The following HERC4 variants were observed in gnomAD, a reference collection of about 807,000 sequenced individuals.
HERC4 encodes the protein HECT and RLD domain containing E3 ubiquitin protein ligase 4.
A neutral mutation model predicts 124.3 loss-of-function variants in HERC4; 28 were observed. The ratio of observed to expected loss-of-function variants is 0.23; its 90% CI spans 0.17 to 0.31. The LOEUF (loss-of-function observed/expected upper bound fraction) is 0.31, where lower values mean the gene tolerates loss of function less well. Ranked by LOEUF, HERC4 falls within the 10% of genes least tolerant of loss-of-function variation. The probability of loss-of-function intolerance (pLI) is 1.00; values close to 1 mark genes in which losing one functional copy is unlikely to be tolerated. For synonymous variants in HERC4, 407 were observed against 421.5 expected (o/e 0.97, Z 0.42); for missense variants, 713 against 1,229.3 (o/e 0.58, Z 6.28).
intron 15 of HERC4, among the ~76,000 whole-genome samples, chr10:67,971,870 T>C (rs776768191): frequency 1.3e-5 from 2 of 152,078 alleles, no homozygotes; most frequent in Non-Finnish European, 2.9e-5. Flanking sequence ...TTACCAGAAC[T>C]AAGAATTTAT....
intron 19 of HERC4, among the ~76,000 whole-genome samples, chr10:67,947,969 A>C (rs544657913): frequency 6.6e-6 from 1 of 151,176 alleles, no homozygotes; most frequent in Non-Finnish European, 1.5e-5. Flanking sequence ...GATTACAGGC[A>C]TGAGCCACCA....
intron 16 of HERC4, among the ~76,000 whole-genome samples, chr10:67,959,440 T>A (rs2034359757): frequency 6.6e-6 from 1 of 152,018 alleles, no homozygotes; most frequent in Admixed American, 6.6e-5. Context: ...ATAAGAAAAC[T>A]AATCCTATGC....
intron 9 of HERC4, among the ~76,000 whole-genome samples, chr10:67,998,999 G>A (rs555392986): frequency 2.6e-5 from 4 of 152,166 alleles, no homozygotes; most frequent in Non-Finnish European, 4.4e-5. Context: ...CCAAAATGCT[G>A]GGATTACAGG....
At chr10:68,032,734 G>C in intron 7 of HERC4, 44 bp downstream of exon 7, 1 of 952,732 alleles carries the variant, frequency 1.0e-6, no homozygotes, top group South Asian at 1.4e-5. Context: ...AATTATGAAA[G>C]AACTATGATG....
chr10:67,988,977 T>C lies in HERC4; in HGVS notation c.1634-142A>G, dbSNP rs537655929. On this transcript the variant is annotated intron_variant, in intron 14 of 24. Coordinates refer to ENST00000373700, the MANE Select transcript of HERC4 (RefSeq NM_015601.4). ...AAGATGCATATAACACAATATCTTA[T>C]GTAACATTTGTAAGGTTTATAAACC... 130 of 626,528 alleles carry C rather than the reference T, an allele frequency of 2.1e-4. No homozygotes were observed. In the African/African-American group the frequency reaches 2.2e-3, roughly 10 times the overall value. The allele number at this position is 626,528 out of a possible 1,614,324, so 38.8% of individuals were successfully genotyped here.
intron 6 of HERC4, among the ~76,000 whole-genome samples, chr10:68,033,382 T>C: frequency 6.6e-6 from 1 of 152,240 alleles, no homozygotes; most frequent in East Asian, 1.9e-4. Context: ...AACTCACTTT[T>C]GTCCATTTCA....
chr10:68,005,594 G>A (rs945739549), intron 9 of HERC4, among the ~76,000 whole-genome samples: 3 of 150,642 alleles, frequency 2.0e-5, no homozygotes, highest in Non-Finnish European at 3.0e-5. Context: ...CTTGTTTTAT[G>A]GTCTTCTCTT....
intron 3 of HERC4, among the ~76,000 whole-genome samples, chr10:68,055,651 T>C (rs1454032880): frequency 6.6e-6 from 1 of 152,200 alleles, no homozygotes; most frequent in Non-Finnish European, 1.5e-5. Context: ...TCTGTATTTA[T>C]TGAACCACTG....
At chr10:68,016,134 T>C (rs2038250775) in intron 8 of HERC4, among the ~76,000 whole-genome samples, 1 of 152,050 alleles carries the variant, frequency 6.6e-6, no homozygotes, top group East Asian at 1.9e-4. Context: ...TGTGTGATTA[T>C]AGTATAAAGT....
rs1420776584 is a variant in HERC4, at chr10:68,051,751, G to A, written c.227-7188C>T. On this transcript the variant is annotated intron_variant, in intron 3 of 24. Transcript: ENST00000373700. ...GTTGCCCAGGCTGGAGTGCAGTGGC[G>A]TGATCTCGGCTCACTGCAACCCCGC... is the stretch of plus-strand genomic sequence containing the variant. 3.4e-5 allele frequency among the ~76,000 whole-genome samples: 5 copies of A among 147,462 alleles called. 1 individual carries two copies. Among genetic ancestry groups the A allele is most frequent in the Non-Finnish European group, 6.0e-5 (4 of 67,134 alleles).
At chr10:67,986,825 C>T (rs2036288806) in intron 15 of HERC4, among the ~76,000 whole-genome samples, 1 of 151,974 alleles carries the variant, frequency 6.6e-6, no homozygotes, top group Non-Finnish European at 1.5e-5. Flanking sequence ...TTTTTGATTC[C>T]TAGTCCAGCG....
intron 19 of HERC4, among the ~76,000 whole-genome samples, chr10:67,944,171 C>G (rs149245606): frequency 2.6e-3 from 396 of 152,330 alleles, no homozygotes; most frequent in African/African-American, 9.0e-3. Flanking sequence ...GGCTTCAGGT[C>G]TGACCCAGTG....
At chr10:67,961,994 A>C (rs1012617708) in intron 16 of HERC4, among the ~76,000 whole-genome samples, 1 of 152,228 alleles carries the variant, frequency 6.6e-6, no homozygotes, top group African/African-American at 2.4e-5. Flanking sequence ...GCTAGAAGGC[A>C]ATATAAAAGG....
intron 9 of HERC4, 123 bp downstream of exon 9, chr10:68,013,903 T>C: frequency 1.3e-6 from 1 of 745,604 alleles, no homozygotes; most frequent in Non-Finnish European, 2.2e-6. Flanking sequence ...TTGTTCTATA[T>C]TTTGCTGTTT....
intron 9 of HERC4, among the ~76,000 whole-genome samples, chr10:67,996,397 A>G (rs1263018378): frequency 2.0e-5 from 3 of 152,068 alleles, no homozygotes; most frequent in African/African-American, 7.2e-5. Flanking sequence ...TGAGCTATTC[A>G]CAATTCTGTA....
intron 9 of HERC4, among the ~76,000 whole-genome samples, chr10:68,001,629 A>C (rs1031850226): frequency 6.6e-6 from 1 of 152,202 alleles, no homozygotes; most frequent in African/African-American, 2.4e-5. Context: ...TAGTGGTAGC[A>C]AGTATATTCA....
In HERC4 at chr10:67,922,981, A is replaced by G. The variant is rs1236241935; in HGVS notation, c.3100T>C (p.Ser1034Pro). 1 of 1,613,780 alleles carries G rather than the reference A, an allele frequency of 6.2e-7. No individual in the cohort carries two copies. Among genetic ancestry groups the G allele is most frequent in the Non-Finnish European group, 8.5e-7 (1 of 1,179,816 alleles). Residue 1034 changes from serine (S) to proline (P), a missense_variant, in exon 25 of 25, where the codon TCT becomes CCT. By Grantham distance (74) the Ser-to-Pro change is moderately conservative (BLOSUM62 -1). Coordinates refer to ENST00000373700, the MANE Select transcript of HERC4 (RefSeq NM_015601.4). ...TGATCAATAGCTTGGATCAGTTTAG[A>G]GCGTAGAGTTTCTTTTTCTGTATAT... Reference protein sequence around the residue: ...PKYTEKETLRSKLIQAIDHNE... With the variant: ...PKYTEKETLRPKLIQAIDHNE...
chr10:68,054,454 AG>A (rs1160665076), intron 3 of HERC4, among the ~76,000 whole-genome samples: 1 of 151,762 alleles, frequency 6.6e-6, no homozygotes, highest in Non-Finnish European at 1.5e-5. Context: ...CCCAGGTTCA[AG>A]AAATTCTCCT....
At chr10:67,988,038 C>T (rs957900056) in intron 15 of HERC4, 2 of 152,028 alleles carry the variant, frequency 1.3e-5, no homozygotes, top group Non-Finnish European at 2.9e-5. Flanking sequence ...CAGAGGTATA[C>T]CTACCAACTG....
Sources: gnomAD v4.1 joint callset for allele counts (sites outside exome capture counted in the v4.1 genomes callset) on GRCh38, gnomAD v4.1.1 for gene constraint, MANE v1.5 for transcripts, NCBI Gene and HGNC (gene_info 2026-07-23, HGNC 2026-07-21) for gene names.